The following PDLIM5 variants were observed in gnomAD, a reference collection of about 807,000 sequenced individuals.
PDLIM5 encodes the protein PDZ and LIM domain 5.
Under a neutral mutation model 64.2 loss-of-function variants are expected in PDLIM5, and 34 were observed. The observed-to-expected ratio is 0.53, with a 90% CI of 0.40 to 0.71. The LOEUF is 0.71. Among genes scored for constraint, PDLIM5 ranks in the 30% least tolerant of loss-of-function variants. The probability of loss-of-function intolerance (pLI) is 0.00; values close to 1 mark genes in which losing one functional copy is unlikely to be tolerated. For synonymous variants in PDLIM5, 253 were observed against 269.1 expected (o/e 0.94, Z 0.59); for missense variants, 683 against 733.6 (o/e 0.93, Z 0.80).
chr4:94,539,596 G>C (rs1731603584), intron 3 of PDLIM5, among the ~76,000 whole-genome samples: 1 of 152,146 alleles, frequency 6.6e-6, no homozygotes, highest in African/African-American at 2.4e-5. Context: ...CATATAAAGT[G>C]ACAATATTTA....
intron 8 of PDLIM5, among the ~76,000 whole-genome samples, chr4:94,635,396 A>C (rs1740476870): frequency 6.6e-6 from 1 of 152,124 alleles, no homozygotes; most frequent in African/African-American, 2.4e-5. Flanking sequence ...TTTGTGACTT[A>C]CATTCCTAGA....
intron 2 of PDLIM5, among the ~76,000 whole-genome samples, chr4:94,493,454 G>A (rs930521196): frequency 6.6e-6 from 1 of 152,024 alleles, no homozygotes; most frequent in Non-Finnish European, 1.5e-5. Flanking sequence ...GGGACTACAG[G>A]TTTGGGCCAC....
chr4:94,662,301 T>C, intron 11 of PDLIM5, 121 bp from the exon 12 acceptor site: 1 of 503,994 alleles, frequency 2.0e-6, no homozygotes, highest in Non-Finnish European at 3.6e-6. Context: ...ATTTTTCAAA[T>C]TCCTAATATC....
intron 2 of PDLIM5, among the ~76,000 whole-genome samples, chr4:94,514,146 T>C (rs915161341): frequency 6.7e-6 from 1 of 149,926 alleles, no homozygotes; most frequent in Non-Finnish European, 1.5e-5. Context: ...TTTTTTTTTT[T>C]TTTTTTGAGA....
intron 2 of PDLIM5, among the ~76,000 whole-genome samples, chr4:94,508,556 C>G (rs753590835): frequency 2.0e-5 from 3 of 152,080 alleles, no homozygotes; most frequent in Non-Finnish European, 2.9e-5. Flanking sequence ...CTCATCTTCT[C>G]TAAGGGATAG....
intron 6 of PDLIM5, among the ~76,000 whole-genome samples, chr4:94,586,169 A>AAAATAAAT (rs150917165): frequency 1.2e-4 from 18 of 151,662 alleles, no homozygotes; most frequent in South Asian, 4.2e-4. Flanking sequence ...CTCTGTCTCA[A>AAAATAAAT]AAATAAATAA....
intron 3 of PDLIM5, among the ~76,000 whole-genome samples, chr4:94,560,915 A>C (rs996912187): frequency 2.0e-5 from 3 of 151,980 alleles, no homozygotes; most frequent in African/African-American, 7.2e-5. Flanking sequence ...TTTAGTAGAG[A>C]CAGGGTTTAC....
intron 3 of PDLIM5, among the ~76,000 whole-genome samples, chr4:94,531,651 T>C (rs538025324): frequency 6.6e-6 from 1 of 151,924 alleles, no homozygotes; most frequent in South Asian, 2.1e-4. Flanking sequence ...GCCTAGAGAG[T>C]TTGTGTGATT....
intron 11 of PDLIM5, among the ~76,000 whole-genome samples, chr4:94,659,811 A>G (rs1456363471): frequency 6.6e-6 from 1 of 151,654 alleles, no homozygotes; most frequent in Admixed American, 6.6e-5. Context: ...TACAAGCGTG[A>G]GCCACCACGC....
intron 6 of PDLIM5, 72 bp from the exon 7 acceptor site, chr4:94,586,336 C>A: frequency 2.5e-6 from 2 of 789,882 alleles, no homozygotes; most frequent in Non-Finnish European, 4.4e-6. Flanking sequence ...TTGATTGGTG[C>A]AGGTAATTGC....
chr4:94,594,465 G>A (rs1736909883), intron 7 of PDLIM5, among the ~76,000 whole-genome samples: 1 of 151,908 alleles, frequency 6.6e-6, no homozygotes, highest in Non-Finnish European at 1.5e-5. Flanking sequence ...CTACAACATT[G>A]ATTTAAAAGA....
chr4:94,486,268 A>ACAG (rs1726329518), intron 2 of PDLIM5, among the ~76,000 whole-genome samples: 1 of 152,148 alleles, frequency 6.6e-6, no homozygotes, highest in Admixed American at 6.6e-5. Flanking sequence ...AGCTTTTGGT[A>ACAG]AGTTAGGCAA....
intron 3 of PDLIM5, among the ~76,000 whole-genome samples, chr4:94,569,613 G>A (rs188018579): frequency 9.8e-4 from 149 of 152,228 alleles, no homozygotes; most frequent in Middle Eastern, 3.4e-3. Flanking sequence ...ACAAGCCAGC[G>A]TTCCTGTCCA....
rs768721210 is a variant in PDLIM5 at position 94,564,656 on chromosome 4, C to CTT, written c.249-8677_249-8676dup. Reference sequence around the variant, plus strand: ...CACCTTCAAAGGAGGAATTTTGTCTCTTTTTTTTTTTTTTTTTTTGACAGA... The same window carrying CTT: ...CACCTTCAAAGGAGGAATTTTGTCTCTTTTTTTTTTTTTTTTTTTTTGACAGA... On this transcript the variant is annotated intron_variant, in intron 3 of 12. Transcript: ENST00000317968. 4.3e-4 allele frequency among the ~76,000 whole-genome samples: 45 copies of CTT among 104,504 alleles called. 3 individuals are homozygous for CTT. The highest frequency in any genetic ancestry group is 2.2e-3 in the South Asian group (8 of 3,590). The allele number at this position is 104,504 out of a possible 152,430, so 68.6% of individuals were successfully genotyped here.
intron 10 of PDLIM5, among the ~76,000 whole-genome samples, chr4:94,655,888 A>T (rs916251898): frequency 5.9e-5 from 9 of 152,160 alleles, no homozygotes; most frequent in African/African-American, 2.2e-4. Context: ...ATGGAAAGGG[A>T]AGAATATTCT....
At chr4:94,520,693 C>T (rs1729756004) in intron 2 of PDLIM5, among the ~76,000 whole-genome samples, 1 of 152,072 alleles carries the variant, frequency 6.6e-6, no homozygotes, top group Non-Finnish European at 1.5e-5. Context: ...GGGCATTTCC[C>T]ACTATGTATA....
intron 7 of PDLIM5, among the ~76,000 whole-genome samples, chr4:94,601,019 C>A (rs753494275): frequency 2.6e-5 from 4 of 151,980 alleles, no homozygotes; most frequent in Non-Finnish European, 5.9e-5. Flanking sequence ...AGTTATAAAG[C>A]CATAGTTTGA....
At chr4:94,606,492 G>A (rs1737931477) in intron 7 of PDLIM5, among the ~76,000 whole-genome samples, 1 of 152,102 alleles carries the variant, frequency 6.6e-6, no homozygotes. Flanking sequence ...GCCAGGAGGG[G>A]GATAGAAGCA....
At chr4:94,470,733 A>T (rs1347573933) in intron 2 of PDLIM5, among the ~76,000 whole-genome samples, 1 of 152,206 alleles carries the variant, frequency 6.6e-6, no homozygotes, top group Admixed American at 6.5e-5. Context: ...CATCAGTATC[A>T]TATAGCTCTA....
Sources: allele counts gnomAD v4.1 joint callset (sites outside exome capture counted in the v4.1 genomes callset), GRCh38; gene constraint gnomAD v4.1.1; transcripts MANE v1.5; gene names NCBI Gene and HGNC (gene_info 2026-07-23, HGNC 2026-07-21).